TSHZ3: variants seen among roughly 807,000 people sequenced by gnomAD.
TSHZ3 encodes the protein teashirt homolog 3.
A neutral mutation model predicts 64.5 loss-of-function variants in TSHZ3; 10 were observed. The observed-to-expected ratio is 0.16, with a 90% CI of 0.10 to 0.26. The LOEUF is 0.26. Among genes scored for constraint, TSHZ3 ranks in the 10% least tolerant of loss-of-function variants. The probability of loss-of-function intolerance (pLI) is 1.00; values close to 1 mark genes in which losing one functional copy is unlikely to be tolerated. For missense variants in TSHZ3, 1,242 were observed against 1,421.7 expected, an observed-to-expected ratio of 0.87 and a Z score of 2.03; for synonymous variants, 608 against 593.1, an observed-to-expected ratio of 1.03 and a Z score of -0.36.
At chr19:31,315,087 C>T (rs1447127004) in intron 1 of TSHZ3, among the ~76,000 whole-genome samples, 1 of 152,214 alleles carries the variant, frequency 6.6e-6, no homozygotes, top group Non-Finnish European at 1.5e-5. Flanking sequence ...AAGAAAGCAA[C>T]TCTGCCAAGA....
chr19:31,249,940 C>A (rs1259500529), intron 1 of TSHZ3, among the ~76,000 whole-genome samples: 1 of 152,218 alleles, frequency 6.6e-6, no homozygotes, highest in Non-Finnish European at 1.5e-5. Flanking sequence ...CATTTGCTTC[C>A]TGGGGATACA....
At chr19:31,175,622 C>T (rs567588914) in intron 5 of TSHZ3, among the ~76,000 whole-genome samples, 1 of 152,306 alleles carries the variant, frequency 6.6e-6, no homozygotes, top group East Asian at 1.9e-4. Flanking sequence ...GCAGGGTCTT[C>T]AGGAAAGGGA....
intron 1 of TSHZ3, among the ~76,000 whole-genome samples, chr19:31,288,565 C>A (rs937195628): frequency 6.6e-6 from 1 of 152,082 alleles, no homozygotes; most frequent in Non-Finnish European, 1.5e-5. Flanking sequence ...GAGGACCTGC[C>A]GATTCTCTGC....
At position 31,150,590 on chromosome 19, in the gene TSHZ3, C is replaced by T. The variant is rs184657379; in HGVS notation, n.2026G>A. Among the ~76,000 whole-genome samples, 7 of 148,636 alleles carry T rather than the reference C, an allele frequency of 4.7e-5. No individual in the cohort carries two copies. In the East Asian group the frequency reaches 7.7e-4, roughly 16 times the overall value. On this transcript the variant is annotated non_coding_transcript_exon_variant, in exon 7 of 7. Transcript: ENST00000651361. ...GAGTCCCTTGCAAGGGAGATGGCTG[C>T]CCCACTACGGGCAGGATGGCCCACA... is the stretch of plus-strand genomic sequence containing the variant.
intron 1 of TSHZ3, among the ~76,000 whole-genome samples, chr19:31,335,647 T>G (rs1330302476): frequency 6.6e-6 from 1 of 152,206 alleles, no homozygotes; most frequent in South Asian, 2.1e-4. Context: ...AATCGTCACC[T>G]GAAGTCGAAG....
chr19:31,165,014 C>T (rs984234058), intron 5 of TSHZ3, among the ~76,000 whole-genome samples: 1 of 152,208 alleles, frequency 6.6e-6, no homozygotes, highest in Non-Finnish European at 1.5e-5. Flanking sequence ...GAGCCCGTCC[C>T]GGGGATGATG....
intron 1 of TSHZ3, among the ~76,000 whole-genome samples, chr19:31,336,410 C>T (rs1403312702): frequency 2.0e-5 from 3 of 152,224 alleles, no homozygotes; most frequent in African/African-American, 4.8e-5. Flanking sequence ...TGGGACCACA[C>T]GGAGACAGAT....
chr19:31,157,909 C>T (rs1974326482), intron 5 of TSHZ3, among the ~76,000 whole-genome samples: 1 of 152,352 alleles, frequency 6.6e-6, no homozygotes, highest in African/African-American at 2.4e-5. Context: ...GCTTCTAAGA[C>T]CGCTTTTCCC....
Position 31,349,165 on chromosome 19 carries a change from G to C in TSHZ3, c.40+15C>G. ...GAGGAGGAGGAGAGCAGAAGGAAGG[G>C]GAAGCGGCTCGTACCTGCTGCGCGC... On this transcript the variant is annotated intron_variant, in intron 1 of 1. Transcript: ENST00000240587. 1 of 1,541,326 alleles carries C rather than the reference G, an allele frequency of 6.5e-7. No homozygotes were observed. Among genetic ancestry groups the C allele is most frequent in the African/African-American group, 1.4e-5 (1 of 72,060 alleles).
intron 5 of TSHZ3, among the ~76,000 whole-genome samples, chr19:31,189,369 T>C (rs887527528): frequency 2.0e-5 from 3 of 151,980 alleles, no homozygotes; most frequent in Non-Finnish European, 4.4e-5. Context: ...ATATAAACTT[T>C]TAAGGCAATA....
intron 5 of TSHZ3, among the ~76,000 whole-genome samples, chr19:31,176,274 G>A (rs1046516022): frequency 1.3e-5 from 2 of 152,132 alleles, no homozygotes; most frequent in African/African-American, 4.8e-5. Flanking sequence ...GCTGTGTAGG[G>A]GAGGAGGGGT....
chr19:31,323,863 A>AACACACACACACAC lies in TSHZ3; in HGVS notation c.40+25303_40+25316dup, dbSNP rs58051976. Reference sequence around the variant, plus strand: ...GCTCTTGTACTTGAACCTGGCCTCCAACACACACACACACACACACACACA... The same window carrying AACACACACACACAC: ...GCTCTTGTACTTGAACCTGGCCTCCAACACACACACACACACACACACACACACACACACACACA... On this transcript the variant is annotated intron_variant, in intron 1 of 1. Transcript: ENST00000240587. Among the ~76,000 whole-genome samples the AACACACACACACAC allele has an allele frequency of 7.9e-4, 97 of 122,328 alleles. 5 individuals are homozygous for AACACACACACACAC. The highest frequency in any genetic ancestry group is 1.4e-3 in the Non-Finnish European group (83 of 57,976). 80.3% of individuals were successfully genotyped at this position (122,328 alleles called of 152,430 possible).
chr19:31,173,706 C>T (rs1009035808), intron 5 of TSHZ3, among the ~76,000 whole-genome samples: 12 of 152,148 alleles, frequency 7.9e-5, no homozygotes, highest in African/African-American at 2.9e-4. Context: ...CCAACCTGGC[C>T]ACTCTCTCCC....
intron 3 of TSHZ3, among the ~76,000 whole-genome samples, chr19:31,236,911 G>A (rs548106587): frequency 6.6e-6 from 1 of 152,350 alleles, no homozygotes; most frequent in African/African-American, 2.4e-5. Flanking sequence ...CACTTTGGGA[G>A]GCCAAGGTGG....
chr19:31,313,052 C>T (rs550800669), intron 1 of TSHZ3, among the ~76,000 whole-genome samples: 2 of 152,158 alleles, frequency 1.3e-5, no homozygotes, highest in East Asian at 3.9e-4. Flanking sequence ...TCAGGCAGTG[C>T]ATGTGGTATG....
intron 1 of TSHZ3, among the ~76,000 whole-genome samples, chr19:31,322,482 G>A (rs1318755940): frequency 6.6e-6 from 1 of 152,018 alleles, no homozygotes; most frequent in African/African-American, 2.4e-5. Context: ...ATGCAGTGGT[G>A]CAATCATAGC....
intron 5 of TSHZ3, among the ~76,000 whole-genome samples, chr19:31,176,832 C>T (rs921837354): frequency 6.6e-6 from 1 of 151,976 alleles, no homozygotes; most frequent in Non-Finnish European, 1.5e-5. Flanking sequence ...CAACAAAAAA[C>T]ACAACGAGAT....
intron 1 of TSHZ3, among the ~76,000 whole-genome samples, chr19:31,339,854 C>G (rs937655350): frequency 6.7e-6 from 1 of 149,922 alleles, no homozygotes; most frequent in African/African-American, 2.5e-5. Flanking sequence ...ACGCACGTGT[C>G]GAAGTCCCTA....
Position 31,277,659 on chromosome 19 carries a change from G to T in TSHZ3, c.2134C>A (p.His712Asn). 1.3e-6 allele frequency: 2 copies of T among 1,532,986 alleles called. No homozygotes were observed. Among genetic ancestry groups the T allele is most frequent in the Non-Finnish European group, 1.8e-6 (2 of 1,141,200 alleles). The allele number at this position is 1,532,986 out of a possible 1,614,324, so 95.0% of individuals were successfully genotyped here. A position where few individuals can be genotyped will look rare whatever the true frequency, so the allele number is the denominator to read the frequency against. The change falls in exon 2 of 2, where the codon CAC becomes AAC. Residue 712 changes from histidine to asparagine, a missense_variant. Physicochemically the swap from His to Asn is moderately conservative, Grantham distance 68. Transcript: ENST00000240587. This position sits in a 1 kb window ranked among gnomAD's most constrained non-coding sequence, Gnocchi z 4.5. ...LSGSTAIITD[H>N]PPEQPFVNPL... ...TTAACAAAAGGCTGTTCAGGCGGGT[G>T]GTCGGTGATGATGGCCGTGCTGCCA...
Sources: allele counts gnomAD v4.1 joint callset (sites outside exome capture counted in the v4.1 genomes callset), GRCh38; gene constraint gnomAD v4.1.1; non-coding constraint Gnocchi (gnomAD v3.1); transcripts MANE v1.5; gene names NCBI Gene and HGNC (gene_info 2026-07-23, HGNC 2026-07-21).